DHRSX: variants seen among roughly 807,000 people sequenced by gnomAD.
DHRSX encodes polyprenol dehydrogenase.
DHRSX carries 31 observed loss-of-function variants against 34.0 expected under a neutral mutation model. The observed-to-expected ratio is 0.91, with a 90% CI of 0.69 to 1.23. DHRSX has a LOEUF of 1.23. DHRSX is among the 50% of genes most tolerant of loss of function. The pLI, the probability that DHRSX is intolerant of heterozygous loss-of-function variation, is 0.00. For synonymous variants in DHRSX, 201 were observed against 183.8 expected, an observed-to-expected ratio of 1.09 and a Z score of -0.76; for missense variants, 414 against 428.1, an observed-to-expected ratio of 0.97 and a Z score of 0.29.
chrX:2,469,444 G>A (rs2044554935), intron 1 of DHRSX, among the ~76,000 whole-genome samples: 1 of 151,896 alleles, frequency 6.6e-6, no homozygotes, highest in Non-Finnish European at 1.5e-5. Flanking sequence ...CACTCCCTAG[G>A]CATGTGGCCA....
chrX:2,248,738 A>G (rs1349897982), intron 5 of DHRSX, among the ~76,000 whole-genome samples: 1 of 151,316 alleles, frequency 6.6e-6, no homozygotes, highest in Non-Finnish European at 1.5e-5. Context: ...GTCCCACCCC[A>G]CCCCCAGAAG....
At chrX:2,265,699 C>G (rs111902232) in intron 5 of DHRSX, among the ~76,000 whole-genome samples, 20,446 of 117,812 alleles carry the variant, frequency 0.17, 3,050 homozygotes, top group African/African-American at 0.38. Context: ...GCAGGGAGCA[C>G]TGTCCCCAGA....
At chrX:2,293,193 T>C (rs938740219) in intron 3 of DHRSX, among the ~76,000 whole-genome samples, 1 of 151,926 alleles carries the variant, frequency 6.6e-6, no homozygotes, top group African/African-American at 2.4e-5. Context: ...TCACTCTTTC[T>C]CTCTAAATTC....
intron 1 of DHRSX, among the ~76,000 whole-genome samples, chrX:2,480,995 CAG>C (rs1017897123): frequency 1.3e-5 from 2 of 151,968 alleles, no homozygotes; most frequent in African/African-American, 4.8e-5. Flanking sequence ...TGATATAGGT[CAG>C]AGTTAGGATT....
chrX:2,461,604 C>T (rs1569503657), intron 1 of DHRSX, among the ~76,000 whole-genome samples: 1 of 152,166 alleles, frequency 6.6e-6, no homozygotes, highest in Non-Finnish European at 1.5e-5. Context: ...GACAGTGATG[C>T]AATCTCAGCT....
chrX:2,360,162 A>T (rs1371637332), intron 3 of DHRSX, among the ~76,000 whole-genome samples: 1 of 152,216 alleles, frequency 6.6e-6, no homozygotes, highest in African/African-American at 2.4e-5. Flanking sequence ...AGTGCAAAAG[A>T]ACTCACCATT....
At chrX:2,471,489 G>A (rs756029775) in intron 1 of DHRSX, among the ~76,000 whole-genome samples, 4 of 152,068 alleles carry the variant, frequency 2.6e-5, no homozygotes, top group Admixed American at 6.5e-5. Flanking sequence ...GCTCAAACCC[G>A]GGAGATGTTG....
At position 2,489,912 on chromosome X, in the gene DHRSX, T is replaced by C. The variant is rs755647880; in HGVS notation, c.109+10905A>G. The C allele has an allele frequency of 2.4e-5, 39 of 1,613,722 alleles. No homozygotes were observed. In the African/African-American group the frequency reaches 2.7e-4, roughly 11 times the overall value. ...GCCTTCACGATGTCCTTGCCATAGT[T>C]GGTGGTGGCCCCGAAGACCTTGGCG... On this transcript the variant is annotated intron_variant, in intron 1 of 6. Coordinates refer to ENST00000334651, the MANE Select transcript of DHRSX (RefSeq NM_145177.3).
chrX:2,287,422 T>C (rs1020534727), intron 4 of DHRSX, among the ~76,000 whole-genome samples: 6 of 151,954 alleles, frequency 3.9e-5, no homozygotes, highest in Admixed American at 1.3e-4. Context: ...AATCCTCATG[T>C]GGAAGACAAA....
At chrX:2,331,534 A>G (rs2042478057) in intron 3 of DHRSX, among the ~76,000 whole-genome samples, 1 of 134,904 alleles carries the variant, frequency 7.4e-6, no homozygotes, top group Non-Finnish European at 1.5e-5. Flanking sequence ...TGCAACCTCC[A>G]CCTCCCAGGT....
At position 2,456,790 on chromosome X, in the gene DHRSX, G is replaced by C. The variant is rs148617473; in HGVS notation, c.110-31486C>G. Among the ~76,000 whole-genome samples, 856 of 152,100 alleles carry C rather than the reference G, an allele frequency of 5.6e-3. 9 individuals carry two copies. Among genetic ancestry groups the C allele is most frequent in the African/African-American group, 0.019 (804 of 41,508 alleles). On this transcript the variant is annotated intron_variant, in intron 1 of 6. Coordinates refer to ENST00000334651, the MANE Select transcript of DHRSX (RefSeq NM_145177.3). ...AGAAACACACTAGAAGTCTCTGATG[G>C]GATGGGGGCATCTCCAGAAATCCGA...
intron 3 of DHRSX, among the ~76,000 whole-genome samples, chrX:2,372,858 G>A (rs1011922595): frequency 2.0e-5 from 3 of 151,972 alleles, no homozygotes; most frequent in Non-Finnish European, 4.4e-5. Context: ...GTGATCCGCC[G>A]GTCTCGGCCT....
At chrX:2,430,482 C>T (rs1304856983) in intron 1 of DHRSX, among the ~76,000 whole-genome samples, 5 of 152,096 alleles carry the variant, frequency 3.3e-5, no homozygotes, top group African/African-American at 9.7e-5. Context: ...TTCGCAAGAT[C>T]GGGCTTCCTC....
At chrX:2,269,617 A>T (rs1391725945) in intron 4 of DHRSX, among the ~76,000 whole-genome samples, 14 of 152,036 alleles carry the variant, frequency 9.2e-5, no homozygotes, top group Non-Finnish European at 1.5e-5. Flanking sequence ...CCTCACTGCA[A>T]CCTCCGCCTC....
intron 1 of DHRSX, among the ~76,000 whole-genome samples, chrX:2,457,988 T>A (rs918486477): frequency 4.4e-4 from 66 of 151,700 alleles, no homozygotes; most frequent in African/African-American, 1.4e-3. Context: ...ACCACCGCAG[T>A]GTGCACACTG....
intron 3 of DHRSX, among the ~76,000 whole-genome samples, chrX:2,359,064 C>T (rs376935069): frequency 2.0e-5 from 3 of 152,180 alleles, no homozygotes; most frequent in African/African-American, 7.2e-5. Context: ...CATCTCACAC[C>T]AGTCATAAAG....
At chrX:2,265,219 C>T (rs2041434242) in intron 5 of DHRSX, among the ~76,000 whole-genome samples, 1 of 57,116 alleles carries the variant, frequency 1.8e-5, no homozygotes, top group South Asian at 8.7e-4. Context: ...GCAGGGAGCA[C>T]TGTCCCCAGA....
intron 1 of DHRSX, chrX:2,488,667 A>G: frequency 1.2e-6 from 2 of 1,610,830 alleles, no homozygotes; most frequent in South Asian, 1.1e-5. Flanking sequence ...ATGCCAAAGA[A>G]ACCGCCGCTG....
intron 3 of DHRSX, among the ~76,000 whole-genome samples, chrX:2,314,204 GAGA>G (rs2042198739): frequency 2.8e-5 from 1 of 36,194 alleles, no homozygotes; most frequent in Non-Finnish European, 5.2e-5. Flanking sequence ...AGGGAAGGAA[GAGA>G]GGGAGGGAAG....
Sources: allele counts gnomAD v4.1 joint callset (sites outside exome capture counted in the v4.1 genomes callset), GRCh38; gene constraint gnomAD v4.1.1; transcripts MANE v1.5; gene names NCBI Gene and HGNC (gene_info 2026-07-23, HGNC 2026-07-21).